The following INTS6 variants were observed in gnomAD, a reference collection of about 807,000 sequenced individuals.
INTS6 encodes integrator complex subunit 6.
In INTS6, 16 loss-of-function variants were observed where a neutral mutation model predicts 104.9. The ratio of observed to expected loss-of-function variants is 0.15; its 90% CI spans 0.10 to 0.23. INTS6 has a LOEUF of 0.23. INTS6 is among the 10% of genes least tolerant of loss of function. The pLI, the probability that INTS6 is intolerant of heterozygous loss-of-function variation, is 1.00. For synonymous variants in INTS6, 324 were observed against 358.7 expected, an observed-to-expected ratio of 0.90 and a Z score of 1.09; for missense variants, 584 against 1,062.8, an observed-to-expected ratio of 0.55 and a Z score of 6.26.
downstream of INTS6, among the ~76,000 whole-genome samples, chr13:51,359,182 A>T (rs1955523938): frequency 6.6e-6 from 1 of 152,090 alleles, no homozygotes. Context: ...AGGGGAGTAG[A>T]AAAAGACCAG....
exon 4 of INTS6, chr13:51,354,208 A>G (rs1032337766): frequency 6.6e-6 from 1 of 152,112 alleles, no homozygotes; most frequent in Non-Finnish European, 1.5e-5. Flanking sequence ...GATGGGAGGT[A>G]GCAAAATGTA....
intron 3 of INTS6, chr13:51,437,665 ATT>A (rs1952716377): frequency 6.6e-6 from 1 of 152,244 alleles, no homozygotes; most frequent in Non-Finnish European, 1.5e-5. Flanking sequence ...CTAACAGTAT[ATT>A]GTTTCCCATA....
chr13:51,409,306 AATAAT>A (rs1956639038), intron 4 of INTS6, among the ~76,000 whole-genome samples: 1 of 146,872 alleles, frequency 6.8e-6, no homozygotes, highest in Non-Finnish European at 1.5e-5. Context: ...TAATAATAAT[AATAAT>A]AATAGTATAA....
rs1376843150 is a variant in INTS6, at chr13:51,375,774, CGT to C, written c.1729+272_1729+273del. On this transcript the variant is annotated intron_variant, in intron 13 of 17. Coordinates refer to ENST00000311234, the MANE Select transcript of INTS6 (RefSeq NM_012141.3). ...GTGTGTGTGTGTGTGTGTGCGCGCG[CGT>C]GCGCGCATGAATGCATGAGAAAAGC... Among the ~76,000 whole-genome samples, 9 of 150,418 alleles carry C rather than the reference CGT, an allele frequency of 6.0e-5. No homozygotes were observed. The South Asian group carries it at 6.3e-4, about 10-fold the overall frequency.
At chr13:51,434,537 A>C (rs528984120) in intron 3 of INTS6, among the ~76,000 whole-genome samples, 2 of 152,268 alleles carry the variant, frequency 1.3e-5, no homozygotes, top group South Asian at 2.1e-4. Context: ...AATCACACTA[A>C]GAAAAGCAAT....
chr13:51,451,827 G>A (rs940535224), intron 2 of INTS6, 151 bp downstream of exon 2: 2 of 438,344 alleles, frequency 4.6e-6, no homozygotes, highest in South Asian at 4.5e-5. Context: ...GGGGGAGGGG[G>A]TGGGAGCCCG....
chr13:51,437,193 G>C (rs1952706847), intron 3 of INTS6: 1 of 152,126 alleles, frequency 6.6e-6, no homozygotes. Context: ...TAGGTGAATG[G>C]AGTTATACAG....
chr13:51,421,424 A>T, intron 4 of INTS6: 1 of 414,124 alleles, frequency 2.4e-6, no homozygotes, highest in Non-Finnish European at 3.2e-6. Flanking sequence ...GCGTGGGGAA[A>T]AATATACCAA....
rs754906366 is a variant in INTS6, at chr13:51,387,521, T to C, written c.759A>G (p.Ser253=). The change falls in exon 7 of 18, where the codon TCA becomes TCG. Residue 253 remains serine, a synonymous_variant. Transcript: ENST00000311234. ...GCCAAGGCTGAGATCCAAAAGGCCT[T>C]GATATATCTGGCTGCCCATCTATAG... ...SPVEDGQPDI[S]RPFGSQPWHS... 8.7e-6 allele frequency: 14 copies of C among 1,610,084 alleles called. No homozygotes were observed. The South Asian group carries it at 1.5e-4, about 18-fold the overall frequency.
chr13:51,343,230 C>T, the INTS6 span, among the ~76,000 whole-genome samples: 1 of 152,162 alleles, frequency 6.6e-6, no homozygotes, highest in African/African-American at 2.4e-5. Context: ...AGCATTTTGT[C>T]TTACAGGGAG....
At chr13:51,387,011 T>C (rs1956151680) in intron 7 of INTS6, among the ~76,000 whole-genome samples, 1 of 152,098 alleles carries the variant, frequency 6.6e-6, no homozygotes. Flanking sequence ...TAAGACTAAG[T>C]CCTAAAAAAT....
At chr13:51,357,969 G>T, downstream of INTS6, among the ~76,000 whole-genome samples, 1 of 152,152 alleles carries the variant, frequency 6.6e-6, no homozygotes, top group East Asian at 1.9e-4. Context: ...AGAGTTGTTT[G>T]GTTGAGTATG....
intron 5 of INTS6, among the ~76,000 whole-genome samples, chr13:51,391,559 G>A (rs1375551227): frequency 6.6e-6 from 1 of 152,074 alleles, no homozygotes; most frequent in Non-Finnish European, 1.5e-5. Context: ...TACTCCTTGG[G>A]ATATACAACA....
chr13:51,354,996 T>C (rs762196805), intron 3 of INTS6: 18 of 940,316 alleles, frequency 1.9e-5, no homozygotes, highest in East Asian at 7.8e-5. Context: ...TATGAAAGTA[T>C]ATTGAGTGAG....
intron 3 of INTS6, chr13:51,449,361 C>T (rs1352681633): frequency 1.6e-6 from 1 of 623,036 alleles, no homozygotes; most frequent in East Asian, 1.4e-4. Context: ...TTTGGTAAGC[C>T]TTATAGACAA....
In INTS6 at chr13:51,452,192, C is replaced by CCA. The variant is rs1238497674; in HGVS notation, c.112-139_112-138dup. 20 of 824,600 alleles carry CCA rather than the reference C, an allele frequency of 2.4e-5. No individual in the cohort carries two copies. In the Admixed American group the frequency reaches 3.3e-4, roughly 14 times the overall value. The allele number at this position is 824,600 out of a possible 1,614,324, so 51.1% of individuals were successfully genotyped here. On this transcript the variant is annotated intron_variant, in intron 1 of 17. Transcript: ENST00000311234. This position sits in a 1 kb window ranked among gnomAD's most constrained non-coding sequence, Gnocchi z 4.2. ...AGCGGCCACCCCTCCACGCCGTCCC[C>CCA]CACACACAGATCGCTCCCCACACAC...
intron 4 of INTS6, among the ~76,000 whole-genome samples, chr13:51,419,842 A>T (rs1383841678): frequency 6.6e-6 from 1 of 152,230 alleles, no homozygotes; most frequent in Non-Finnish European, 1.5e-5. Flanking sequence ...CAGAAGTAGT[A>T]CAATACAACT....
At chr13:51,436,696 A>AT (rs1952695404) in intron 3 of INTS6, 1 of 152,242 alleles carries the variant, frequency 6.6e-6, no homozygotes, top group Admixed American at 6.5e-5. Flanking sequence ...GGGAAATTCA[A>AT]TAATTGATAA....
intron 4 of INTS6, among the ~76,000 whole-genome samples, chr13:51,412,374 C>T (rs971882518): frequency 1.3e-5 from 2 of 151,980 alleles, no homozygotes; most frequent in Non-Finnish European, 2.9e-5. Context: ...ATTTAGTAGC[C>T]AAACAAGAAA....
Sources: allele counts gnomAD v4.1 joint callset (sites outside exome capture counted in the v4.1 genomes callset), GRCh38; gene constraint gnomAD v4.1.1; non-coding constraint Gnocchi (gnomAD v3.1); transcripts MANE v1.5; gene names NCBI Gene and HGNC (gene_info 2026-07-23, HGNC 2026-07-21).